PTPRN2: variants seen among roughly 807,000 people sequenced by gnomAD.
The protein encoded by PTPRN2 is protein tyrosine phosphatase receptor type N2.
In PTPRN2, 74 loss-of-function variants were observed where a neutral mutation model predicts 118.8. The observed-to-expected ratio is 0.62, with a 90% CI of 0.52 to 0.76. PTPRN2 has a LOEUF of 0.76. Ranked by LOEUF, PTPRN2 falls within the 30% of genes least tolerant of loss-of-function variation. PTPRN2 has a pLI of 0.00. For synonymous variants in PTPRN2, 641 were observed against 608.0 expected (o/e 1.05, Z -0.80); for missense variants, 1,481 against 1,394.4 (o/e 1.06, Z -0.99).
chr7:157,802,185 C>T (rs1294080688), intron 12 of PTPRN2, among the ~76,000 whole-genome samples: 7 of 152,350 alleles, frequency 4.6e-5, no homozygotes, highest in South Asian at 2.1e-4. Context: ...ATGTCGAGAC[C>T]GCGTTGAGGC....
intron 3 of PTPRN2, among the ~76,000 whole-genome samples, chr7:158,262,924 T>C (rs62649324): frequency 0.27 from 35,525 of 131,848 alleles, 4,537 homozygotes; most frequent in Middle Eastern, 0.39. Context: ...TGCACACACA[T>C]TCACACACTG....
chr7:158,058,578 C>A (rs879676517), intron 11 of PTPRN2, among the ~76,000 whole-genome samples: 8 of 71,256 alleles, frequency 1.1e-4, no homozygotes, highest in East Asian at 4.4e-4. Flanking sequence ...CTCCATCTGC[C>A]CACGGTGAGA....
chr7:157,794,431 C>T lies in PTPRN2; in HGVS notation c.1788+104242G>A, dbSNP rs1804738732. 6.6e-6 allele frequency among the ~76,000 whole-genome samples: 1 copy of T among 152,212 alleles called. No homozygotes were observed. Among genetic ancestry groups the T allele is most frequent in the Non-Finnish European group, 1.5e-5 (1 of 68,044 alleles). Reference sequence around the variant, plus strand: ...ATTATAGCGTCGACGATGGCAGCTTCCCTCTGAAAGCCCATTGTGTCTGCC... The same window carrying T: ...ATTATAGCGTCGACGATGGCAGCTTTCCTCTGAAAGCCCATTGTGTCTGCC... On this transcript the variant is annotated intron_variant, in intron 12 of 22. Coordinates refer to ENST00000389418, the MANE Select transcript of PTPRN2 (RefSeq NM_002847.5). The surrounding 1 kb of genome is among the most constrained non-coding windows in gnomAD (Gnocchi z 5.2).
intron 12 of PTPRN2, among the ~76,000 whole-genome samples, chr7:157,743,394 C>T (rs955208094): frequency 1.2e-4 from 19 of 152,198 alleles, no homozygotes; most frequent in African/African-American, 4.3e-4. Context: ...GCAATCGGTG[C>T]GGCGGGCTAT....
rs535464206 is a variant in PTPRN2, at chr7:158,389,772, G to A, written c.164-72840C>T. Among the ~76,000 whole-genome samples the A allele has an allele frequency of 2.6e-5, 4 of 152,210 alleles. No individual in the cohort carries two copies. The East Asian group carries it at 5.8e-4, about 22-fold the overall frequency. On this transcript the variant is annotated intron_variant, in intron 2 of 22. Coordinates refer to ENST00000389418, the MANE Select transcript of PTPRN2 (RefSeq NM_002847.5). ...TCCCAGAATAGAAAATGGGCTAAAC[G>A]CAAGTTCTGTCCTTCCTGCTCTCCT...
intron 11 of PTPRN2, among the ~76,000 whole-genome samples, chr7:158,033,927 A>C (rs1024136144): frequency 1.4e-5 from 2 of 145,076 alleles, no homozygotes; most frequent in African/African-American, 5.2e-5. Flanking sequence ...GGCCCAGGTG[A>C]GCATCCCTGC....
chr7:157,821,308 T>C (rs1027576582), intron 12 of PTPRN2, among the ~76,000 whole-genome samples: 4 of 152,226 alleles, frequency 2.6e-5, no homozygotes, highest in African/African-American at 9.6e-5. Flanking sequence ...AAGACATAAC[T>C]CTAGGATCTG....
chr7:158,300,343 G>T (rs1800795761), intron 3 of PTPRN2, among the ~76,000 whole-genome samples: 1 of 152,178 alleles, frequency 6.6e-6, no homozygotes, highest in African/African-American at 2.4e-5. Context: ...CGACGGCTAG[G>T]GTTGGAAGGT....
rs1037817703 is a variant in PTPRN2, at chr7:157,674,556, G to A, written c.2001+8169C>T. On this transcript the variant is annotated intron_variant, in intron 13 of 22. Coordinates refer to ENST00000389418, the MANE Select transcript of PTPRN2 (RefSeq NM_002847.5). This position sits in a 1 kb window ranked among gnomAD's most constrained non-coding sequence, Gnocchi z 4.5. ...TGCCTCCTTTTATGCCGGTGTACGTGTTGTGTTAAGAGCTGGGCTTTGCCA... is the reference window on the plus strand; with the variant it reads ...TGCCTCCTTTTATGCCGGTGTACGTATTGTGTTAAGAGCTGGGCTTTGCCA... Among the ~76,000 whole-genome samples, 1 of 152,150 alleles carries A rather than the reference G, an allele frequency of 6.6e-6. No individual in the cohort carries two copies. Among genetic ancestry groups the A allele is most frequent in the East Asian group, 1.9e-4 (1 of 5,190 alleles).
intron 12 of PTPRN2, among the ~76,000 whole-genome samples, chr7:157,700,859 C>T (rs571502825): frequency 5.3e-5 from 8 of 152,218 alleles, no homozygotes; most frequent in Non-Finnish European, 1.2e-4. Flanking sequence ...ATCGAGGAAC[C>T]CTGGCTGGCT....
chr7:158,031,730 A>T (rs761325926), intron 11 of PTPRN2, among the ~76,000 whole-genome samples: 5 of 152,332 alleles, frequency 3.3e-5, no homozygotes, highest in East Asian at 1.9e-4. Context: ...TTTATATTTT[A>T]AAAAAAGAAG....
intron 10 of PTPRN2, among the ~76,000 whole-genome samples, chr7:158,087,650 C>T (rs1328043509): frequency 1.3e-5 from 2 of 151,646 alleles, no homozygotes; most frequent in African/African-American, 4.9e-5. Context: ...TTCACACAAA[C>T]CTTCCTCCCC....
chr7:158,259,452 C>A (rs1797244890), intron 3 of PTPRN2, among the ~76,000 whole-genome samples: 1 of 152,198 alleles, frequency 6.6e-6, no homozygotes, highest in African/African-American at 2.4e-5. Flanking sequence ...CCCCTCAGAG[C>A]CCCTGGGAAA....
At chr7:157,783,600 C>A (rs1392083360) in intron 12 of PTPRN2, among the ~76,000 whole-genome samples, 1 of 150,882 alleles carries the variant, frequency 6.6e-6, no homozygotes, top group Admixed American at 6.6e-5. Context: ...TTGACCGATC[C>A]TGGCTATAAA....
intron 11 of PTPRN2, among the ~76,000 whole-genome samples, chr7:158,076,970 C>G (rs191116248): frequency 6.6e-6 from 1 of 152,174 alleles, no homozygotes; most frequent in Non-Finnish European, 1.5e-5. Flanking sequence ...TGCCTGGGGT[C>G]GATAGTTAAG....
intron 12 of PTPRN2, among the ~76,000 whole-genome samples, chr7:157,860,093 A>T (rs1382894720): frequency 6.6e-6 from 1 of 152,218 alleles, no homozygotes; most frequent in East Asian, 1.9e-4. Flanking sequence ...CGGCTTCGTG[A>T]TTCCTGTGGA....
rs763824825 is a variant in PTPRN2 at position 158,123,403 on chromosome 7, C to T, written c.1556+10274G>A. 4.6e-5 allele frequency among the ~76,000 whole-genome samples: 7 copies of T among 152,282 alleles called. No homozygotes were observed. In the South Asian group the frequency reaches 6.2e-4, roughly 14 times the overall value. ...CGGTGACCGACGCCATGGTGACCGA[C>T]GCCGCAGTGACCGACACCATGTCTG... On this transcript the variant is annotated intron_variant, in intron 9 of 22. Transcript: ENST00000389418.
intron 10 of PTPRN2, among the ~76,000 whole-genome samples, chr7:158,096,689 C>T (rs979955484): frequency 2.0e-5 from 3 of 152,234 alleles, no homozygotes; most frequent in Non-Finnish European, 4.4e-5. Context: ...GCACTGAAGA[C>T]GAAGCCTGGG....
intron 3 of PTPRN2, among the ~76,000 whole-genome samples, chr7:158,296,444 G>A (rs903382920): frequency 1.3e-5 from 2 of 152,158 alleles, no homozygotes; most frequent in Non-Finnish European, 2.9e-5. Flanking sequence ...GCCCATGTGC[G>A]ATCTGATTCT....
Sources: gnomAD v4.1 joint callset for allele counts (sites outside exome capture counted in the v4.1 genomes callset) on GRCh38, gnomAD v4.1.1 for gene constraint, Gnocchi (gnomAD v3.1) non-coding constraint, MANE v1.5 for transcripts, NCBI Gene and HGNC (gene_info 2026-07-23, HGNC 2026-07-21) for gene names.